Variants in FAT3 observed in about 807,000 individuals in gnomAD.
FAT3 encodes protocadherin Fat 3.
FAT3 carries 95 observed loss-of-function variants against 310.2 expected under a neutral mutation model. The ratio of observed to expected loss-of-function variants is 0.31; its 90% confidence interval spans 0.26 to 0.36. FAT3 has a LOEUF of 0.36. Among genes scored for constraint, FAT3 ranks in the 10% least tolerant of loss-of-function variants. The probability of loss-of-function intolerance (pLI) is 1.00; values close to 1 mark genes in which losing one functional copy is unlikely to be tolerated. For missense variants in FAT3, 5,408 were observed against 5,715.6 expected (o/e 0.95, Z 1.74); for synonymous variants, 2,314 against 2,192.9 (o/e 1.06, Z -1.54).
intron 1 of FAT3, among the ~76,000 whole-genome samples, chr11:92,273,531 G>A (rs954647460): frequency 7.2e-5 from 11 of 152,050 alleles, no homozygotes; most frequent in African/African-American, 2.4e-4. Flanking sequence ...TGTTTCCTGC[G>A]GTCCTAGTTG....
chr11:92,472,587 A>G (rs1031199896), intron 2 of FAT3, among the ~76,000 whole-genome samples: 2 of 152,200 alleles, frequency 1.3e-5, no homozygotes, highest in Admixed American at 6.5e-5. Context: ...TAATAATTCA[A>G]GTCGACACAT....
intron 4 of FAT3, among the ~76,000 whole-genome samples, chr11:92,746,317 G>A (rs1297613034): frequency 6.6e-6 from 1 of 152,184 alleles, no homozygotes; most frequent in East Asian, 1.9e-4. Context: ...GTCTTACATG[G>A]CAGCAGGCTA....
At chr11:92,512,744 G>GT (rs1344060285) in intron 2 of FAT3, among the ~76,000 whole-genome samples, 1 of 151,358 alleles carries the variant, frequency 6.6e-6, no homozygotes, top group Non-Finnish European at 1.5e-5. Context: ...TTTGGGCCTG[G>GT]TGCAGGAACT....
chr11:92,692,064 C>T (rs1355245845), intron 3 of FAT3, among the ~76,000 whole-genome samples: 25 of 151,840 alleles, frequency 1.6e-4, no homozygotes, highest in Admixed American at 1.6e-3. Flanking sequence ...ATGGAATGGC[C>T]ACAAATCCTT....
Position 92,798,274 on chromosome 11 carries a change from C to T in FAT3, c.5261C>T (p.Thr1754Ile). 1 of 1,613,850 alleles carries T rather than the reference C, an allele frequency of 6.2e-7. No individual in the cohort carries two copies. The highest frequency in any genetic ancestry group is 8.5e-7 in the Non-Finnish European group (1 of 1,179,852). ...ATGGCAGGAATGGCTTCCAATGCTA[C>T]AGTCAATATTCAGATTGTTGATGAA... ...TNMAGMASNA[T>I]VNIQIVDEND... The change falls in exon 10 of 28, where the codon ACA (threonine) becomes ATA (isoleucine). Residue 1754 changes from threonine to isoleucine, a missense_variant. Physicochemically the swap from Thr to Ile is moderately conservative, Grantham distance 89 (BLOSUM62 -1). This residue lies in a region of FAT3 where 4,588 missense variants were observed against 4,809.8 expected (regional missense o/e 0.95). Transcript: ENST00000525166.
chr11:92,735,920 G>C (rs1945331882), intron 4 of FAT3, among the ~76,000 whole-genome samples: 1 of 152,084 alleles, frequency 6.6e-6, no homozygotes, highest in Non-Finnish European at 1.5e-5. Context: ...CTGTGAGGTA[G>C]ATATTGCTAT....
chr11:92,374,645 A>C (rs1949292447), intron 2 of FAT3, among the ~76,000 whole-genome samples: 1 of 152,224 alleles, frequency 6.6e-6, no homozygotes, highest in African/African-American at 2.4e-5. Context: ...TTAAGCATAG[A>C]AGTAGCCTGT....
chr11:92,453,884 G>A (rs16917598), intron 2 of FAT3, among the ~76,000 whole-genome samples: 2,463 of 152,082 alleles, frequency 0.016, 64 homozygotes, highest in African/African-American at 0.05. Flanking sequence ...AATATATAAT[G>A]CCAGCCACAT....
chr11:92,403,259 G>C (rs1159025799), intron 2 of FAT3: 2 of 152,094 alleles, frequency 1.3e-5, no homozygotes, highest in Non-Finnish European at 1.5e-5. Flanking sequence ...TTGTATTTGA[G>C]GTTTTCTTTC....
chr11:92,539,516 A>T (rs1204234611), intron 3 of FAT3, among the ~76,000 whole-genome samples: 2 of 152,116 alleles, frequency 1.3e-5, no homozygotes, highest in Non-Finnish European at 2.9e-5. Flanking sequence ...GCCTTTACGG[A>T]TTTGGGATTG....
chr11:92,243,977 A>G (rs1565175164), intron 1 of FAT3, among the ~76,000 whole-genome samples: 1 of 152,116 alleles, frequency 6.6e-6, no homozygotes, highest in East Asian at 1.9e-4. Flanking sequence ...ATTATTCATT[A>G]TGATTCATAT....
At chr11:92,342,942 A>G (rs1165797671) in intron 1 of FAT3, among the ~76,000 whole-genome samples, 1 of 152,124 alleles carries the variant, frequency 6.6e-6, no homozygotes, top group Admixed American at 6.5e-5. Flanking sequence ...TGATTTTTAA[A>G]AGGCTTGAAC....
intron 3 of FAT3, among the ~76,000 whole-genome samples, chr11:92,587,753 G>A (rs1939226595): frequency 6.6e-6 from 1 of 151,860 alleles, no homozygotes; most frequent in Non-Finnish European, 1.5e-5. Context: ...GTGCTAAAGG[G>A]CTAATATGGA....
chr11:92,886,696 C>T (rs1591858416), intron 24 of FAT3, among the ~76,000 whole-genome samples: 2 of 152,348 alleles, frequency 1.3e-5, no homozygotes, highest in African/African-American at 2.4e-5. Flanking sequence ...GCAGCCACTT[C>T]ATCCTCATTT....
intron 21 of FAT3, among the ~76,000 whole-genome samples, chr11:92,860,727 T>G (rs888785605): frequency 1.3e-5 from 2 of 152,224 alleles, no homozygotes; most frequent in Non-Finnish European, 2.9e-5. Flanking sequence ...GCTTTAGTTC[T>G]AAAGGCAGGT....
intron 3 of FAT3, among the ~76,000 whole-genome samples, chr11:92,628,062 G>A (rs1295566692): frequency 6.6e-6 from 1 of 152,110 alleles, no homozygotes; most frequent in Non-Finnish European, 1.5e-5. Flanking sequence ...TCCTCACTGG[G>A]TTGTTTTATG....
chr11:92,661,560 G>A (rs529725836), intron 3 of FAT3, among the ~76,000 whole-genome samples: 1 of 151,424 alleles, frequency 6.6e-6, no homozygotes, highest in East Asian at 1.9e-4. Flanking sequence ...GGTGTGGAGT[G>A]CTTTTTTTTT....
chr11:92,862,221 C>A (rs533497323), intron 21 of FAT3, among the ~76,000 whole-genome samples: 1 of 152,162 alleles, frequency 6.6e-6, no homozygotes. Context: ...GAGCCCAAAC[C>A]ATAACTGAGG....
intron 2 of FAT3, among the ~76,000 whole-genome samples, chr11:92,481,188 T>TA: frequency 6.6e-6 from 1 of 152,300 alleles, no homozygotes; most frequent in East Asian, 1.9e-4. Context: ...TTCAATCAGT[T>TA]AAAAGGAATT....
Sources: gnomAD v4.1 joint callset for allele counts (sites outside exome capture counted in the v4.1 genomes callset) on GRCh38, gnomAD v4.1.1 for gene constraint, gnomAD v4.1.1 regional missense constraint, MANE v1.5 for transcripts, NCBI Gene and HGNC (gene_info 2026-07-23, HGNC 2026-07-21) for gene names.